MYOM2: variants seen among roughly 807,000 people sequenced by gnomAD.
The protein encoded by MYOM2 is myomesin 2.
In MYOM2, 254 loss-of-function variants were observed where a neutral mutation model predicts 187.6. The ratio of observed to expected loss-of-function variants is 1.35; its 90% CI spans 1.22 to 1.50. MYOM2 has a LOEUF of 1.50. MYOM2 is among the 40% of genes most tolerant of loss of function. The probability of loss-of-function intolerance (pLI) is 0.00; values close to 1 mark genes in which losing one functional copy is unlikely to be tolerated. For missense variants in MYOM2, 2,796 were observed against 1,924.0 expected, an observed-to-expected ratio of 1.45 and a Z score of -8.48; for synonymous variants, 981 against 753.8, an observed-to-expected ratio of 1.30 and a Z score of -4.94.
rs1332649216 is a variant in MYOM2 at position 2,098,797 on chromosome 8, C to A, written c.2314-60C>A. ...CAAGCCAGTTATAACAACTCCTCCC[C>A]CTCAGTGGGCTGTAAGGCATCCTTT... is the stretch of plus-strand genomic sequence containing the variant. On this transcript the variant is annotated intron_variant, in intron 18 of 36. Coordinates refer to ENST00000262113, the MANE Select transcript of MYOM2 (RefSeq NM_003970.4). The A allele has an allele frequency of 3.3e-6, 5 of 1,519,212 alleles. No individual in the cohort carries two copies. The East Asian group carries it at 9.3e-5, about 28-fold the overall frequency. The allele number at this position is 1,519,212 out of a possible 1,614,324, so 94.1% of individuals were successfully genotyped here. A position where few individuals can be genotyped will look rare whatever the true frequency, so the allele number is the denominator to read the frequency against.
chr8:2,116,780 T>G (rs1391921902), intron 27 of MYOM2, among the ~76,000 whole-genome samples: 1 of 152,168 alleles, frequency 6.6e-6, no homozygotes, highest in Non-Finnish European at 1.5e-5. Flanking sequence ...TTTTTTGAGA[T>G]GGAGTCTTGC....
At chr8:2,085,160 C>G (rs952110854) in intron 13 of MYOM2, 103 bp from the exon 14 acceptor site, 2 of 1,419,718 alleles carry the variant, frequency 1.4e-6, no homozygotes, top group Non-Finnish European at 1.9e-6. Flanking sequence ...AGAAACAAAA[C>G]AAGTTCAACA....
chr8:2,078,437 A>T (rs1396958298), intron 11 of MYOM2, among the ~76,000 whole-genome samples: 1 of 152,078 alleles, frequency 6.6e-6, no homozygotes, highest in Admixed American at 6.5e-5. Context: ...TTTTGAGGAG[A>T]TTTTTGCCTA....
chr8:2,086,385 C>CCCCCTACTGTCATGAT lies in MYOM2; in HGVS notation c.1644+996_1644+997insCCCTACTGTCATGATC, dbSNP rs1796053365. Among the ~76,000 whole-genome samples, 91 of 116,584 alleles carry CCCCCTACTGTCATGAT rather than the reference C, an allele frequency of 7.8e-4. 30 individuals are homozygous for CCCCCTACTGTCATGAT. The highest frequency in any genetic ancestry group is 1.2e-3 in the Non-Finnish European group (69 of 58,830). The allele number at this position is 116,584 out of a possible 152,430, so 76.5% of individuals were successfully genotyped here. A position where few individuals can be genotyped will look rare whatever the true frequency, so the allele number is the denominator to read the frequency against. On this transcript the variant is annotated intron_variant, in intron 14 of 36. Coordinates refer to ENST00000262113, the MANE Select transcript of MYOM2 (RefSeq NM_003970.4). ...TCCCACTGTTGTGATCTCTGCGTGG[C>CCCCCTACTGTCATGAT]CTCCCACTGTTGTGATCTCTGCGTG...
chr8:2,084,538 A>G (rs1413439423), intron 13 of MYOM2, among the ~76,000 whole-genome samples: 1 of 152,148 alleles, frequency 6.6e-6, no homozygotes, highest in Non-Finnish European at 1.5e-5. Context: ...AAAAACCTCC[A>G]CCTCCACTCC....
At chr8:2,060,395 G>A (rs949930486) in intron 6 of MYOM2, among the ~76,000 whole-genome samples, 1 of 152,124 alleles carries the variant, frequency 6.6e-6, no homozygotes, top group Admixed American at 6.5e-5. Context: ...CCAATAAGAA[G>A]ATGCATGTTG....
chr8:2,080,302 C>CGT (rs1819577553), intron 13 of MYOM2, among the ~76,000 whole-genome samples: 1 of 152,204 alleles, frequency 6.6e-6, no homozygotes, highest in South Asian at 2.1e-4. Context: ...AAATCACAGC[C>CGT]GTGTTCTCTC....
Position 2,094,181 on chromosome 8 carries a change from C to A in MYOM2, c.2125+90C>A. On this transcript the variant is annotated intron_variant, in intron 17 of 36. Transcript: ENST00000262113. ...ACATTTGTGATGCCATTTGGAATGT[C>A]ATTGAAGGGGAAAAGGGGACTAAAT... The A allele has an allele frequency of 2.0e-6, 3 of 1,501,948 alleles. No homozygotes were observed. The South Asian group carries it at 3.8e-5, about 19-fold the overall frequency. 93.0% of individuals were successfully genotyped at this position (1,501,948 alleles called of 1,614,324 possible).
intron 30 of MYOM2, 145 bp downstream of exon 30, chr8:2,123,787 G>C: frequency 1.4e-6 from 1 of 706,522 alleles, no homozygotes; most frequent in South Asian, 2.0e-5. Context: ...AAAACTATTT[G>C]TTCTTTGGTT....
intron 32 of MYOM2, among the ~76,000 whole-genome samples, chr8:2,129,622 C>T (rs987645128): frequency 6.7e-6 from 1 of 150,054 alleles, no homozygotes; most frequent in African/African-American, 2.4e-5. Context: ...ATTAAAAGTA[C>T]CAAAACAAGC....
chr8:2,098,742 C>G (rs1389280894), intron 18 of MYOM2, 115 bp from the exon 19 acceptor site: 2 of 1,196,520 alleles, frequency 1.7e-6, no homozygotes, highest in East Asian at 5.2e-5. Flanking sequence ...AATTTCCCGA[C>G]AAGGTTCCTT....
At chr8:2,134,507 C>T (rs909133112) in intron 32 of MYOM2, among the ~76,000 whole-genome samples, 1 of 152,064 alleles carries the variant, frequency 6.6e-6, no homozygotes, top group Non-Finnish European at 1.5e-5. Flanking sequence ...CTTGTCCCTC[C>T]GCAGACCTGT....
chr8:2,130,281 C>T (rs570563695), intron 32 of MYOM2, among the ~76,000 whole-genome samples: 4 of 143,570 alleles, frequency 2.8e-5, no homozygotes, highest in East Asian at 2.1e-4. Flanking sequence ...GTACCCTATA[C>T]CCAGGGCGCC....
At chr8:2,088,501 T>A (rs1428906978) in intron 14 of MYOM2, among the ~76,000 whole-genome samples, 1 of 152,200 alleles carries the variant, frequency 6.6e-6, no homozygotes, top group Non-Finnish European at 1.5e-5. Flanking sequence ...TAGCTCCCAC[T>A]TATAAGTGAG....
At chr8:2,117,761 A>T in intron 27 of MYOM2, 124 bp from the exon 28 acceptor site, 1 of 560,714 alleles carries the variant, frequency 1.8e-6, no homozygotes, top group Non-Finnish European at 3.0e-6. Flanking sequence ...TATATATAAT[A>T]CATTCTTATG....
intron 14 of MYOM2, among the ~76,000 whole-genome samples, chr8:2,086,680 C>T (rs11784329): frequency 0.25 from 38,410 of 152,266 alleles, 5,890 homozygotes; most frequent in South Asian, 0.39. Context: ...CCTAGCTGGG[C>T]GTTGCCCCTC....
intron 11 of MYOM2, among the ~76,000 whole-genome samples, chr8:2,078,067 C>T (rs1005559042): frequency 2.0e-5 from 3 of 152,188 alleles, no homozygotes; most frequent in African/African-American, 4.8e-5. Flanking sequence ...GCTCTTTTCT[C>T]CTGGGAATTT....
At chr8:2,123,130 G>C in intron 28 of MYOM2, 122 bp from the exon 29 acceptor site, 1 of 612,144 alleles carries the variant, frequency 1.6e-6, no homozygotes. Flanking sequence ...GTCTGAGACT[G>C]TCTATAGTAA....
rs563459333 is a variant in MYOM2, at chr8:2,092,277, G to A, written c.1829-69G>A. On this transcript the variant is annotated intron_variant, in intron 15 of 36. Transcript: ENST00000262113. Reference sequence around the variant, plus strand: ...TGTCCAGTTCCCTGTGAAAAGGGCCGGAAGATCTCTGCTGTAGCTTCCAAA... The same window carrying A: ...TGTCCAGTTCCCTGTGAAAAGGGCCAGAAGATCTCTGCTGTAGCTTCCAAA... 5.2e-5 allele frequency: 81 copies of A among 1,543,956 alleles called. No homozygotes were observed. In the African/African-American group the frequency reaches 7.5e-4, roughly 14 times the overall value.
Sources: gnomAD v4.1 joint callset for allele counts (sites outside exome capture counted in the v4.1 genomes callset) on GRCh38, gnomAD v4.1.1 for gene constraint, MANE v1.5 for transcripts, NCBI Gene and HGNC (gene_info 2026-07-23, HGNC 2026-07-21) for gene names.